The following BCL2 variants were observed in gnomAD, a reference collection of about 807,000 sequenced individuals.
The protein encoded by BCL2 is BCL2 apoptosis regulator.
BCL2 carries 1 observed loss-of-function variant against 14.2 expected under a neutral mutation model. The ratio of observed to expected loss-of-function variants is 0.07; its 90% CI spans 0.02 to 0.33. BCL2 has a LOEUF of 0.33. Among genes scored for constraint, BCL2 ranks in the 10% least tolerant of loss-of-function variants. BCL2 has a pLI of 0.99. For synonymous variants in BCL2, 151 were observed against 137.2 expected (o/e 1.10, Z -0.70); for missense variants, 247 against 305.9 (o/e 0.81, Z 1.44).
chr18:63,251,862 C>A (rs182732972), intron 2 of BCL2, among the ~76,000 whole-genome samples: 5 of 151,858 alleles, frequency 3.3e-5, no homozygotes, highest in East Asian at 3.9e-4. Context: ...CCACGCCCAG[C>A]TAATTTTTGT....
In BCL2 at chr18:63,127,218, A is replaced by T. The variant is rs1367840744; in HGVS notation, c.*1407T>A. 6 of 230,368 alleles carry T rather than the reference A, an allele frequency of 2.6e-5. No homozygotes were observed. In the East Asian group the frequency reaches 3.7e-4, roughly 14 times the overall value. 14.3% of individuals were successfully genotyped at this position (230,368 alleles called of 1,614,324 possible). A position where few individuals can be genotyped will look rare whatever the true frequency, so the allele number is the denominator to read the frequency against. ...TTCAATGCTTCTTTTAGGATTTGTG[A>T]CCCTCTCCAAAGTCATTTAAAGCCT... On this transcript the variant is annotated 3_prime_UTR_variant, in exon 3 of 3. Transcript: ENST00000333681.
At chr18:63,281,740 A>G (rs535823682) in intron 2 of BCL2, among the ~76,000 whole-genome samples, 41 of 144,788 alleles carry the variant, frequency 2.8e-4, no homozygotes, top group South Asian at 1.1e-3. Flanking sequence ...AAGAAAGAAA[A>G]AGAGAGAGGA....
chr18:63,225,994 G>A (rs1555701616), intron 2 of BCL2, among the ~76,000 whole-genome samples: 2 of 152,108 alleles, frequency 1.3e-5, no homozygotes, highest in Non-Finnish European at 2.9e-5. Flanking sequence ...AAATGAGGTC[G>A]CACAAACAAA....
intron 2 of BCL2, among the ~76,000 whole-genome samples, chr18:63,306,964 T>C (rs1199486798): frequency 6.6e-6 from 1 of 151,978 alleles, no homozygotes; most frequent in Non-Finnish European, 1.5e-5. Flanking sequence ...AGCACTGCCC[T>C]AGACTATCAG....
intron 2 of BCL2, among the ~76,000 whole-genome samples, chr18:63,262,389 A>G (rs559607240): frequency 6.6e-6 from 1 of 152,322 alleles, no homozygotes; most frequent in African/African-American, 2.4e-5. Context: ...GTAAAAGTAA[A>G]GAATCGGAGG....
At chr18:63,295,361 G>A (rs1912770396) in intron 2 of BCL2, among the ~76,000 whole-genome samples, 1 of 152,094 alleles carries the variant, frequency 6.6e-6, no homozygotes, top group South Asian at 2.1e-4. Context: ...CAAGTGAATG[G>A]TCCAGGCCAA....
rs79578935 is a variant in BCL2, at chr18:63,175,403, T to C, written c.586-46644A>G. Among the ~76,000 whole-genome samples the C allele has an allele frequency of 6.3e-3, 963 of 152,322 alleles. 5 individuals are homozygous for C. The highest frequency in any genetic ancestry group is 9.8e-3 in the Non-Finnish European group (669 of 68,030). ...TCACATATATTATTTCCAAAAGTCA[T>C]ATTCAAAACATCTAGCAACCAGCAT... On this transcript the variant is annotated intron_variant, in intron 2 of 2. Transcript: ENST00000333681.
chr18:63,315,869 A>AT (rs1201409724), intron 2 of BCL2: 15 of 152,052 alleles, frequency 9.9e-5, no homozygotes, highest in Admixed American at 1.3e-4. Context: ...ATATATATAT[A>AT]TTTTTTCTCT....
intron 2 of BCL2, among the ~76,000 whole-genome samples, chr18:63,289,736 A>G (rs1043875007): frequency 1.3e-5 from 2 of 152,122 alleles, no homozygotes; most frequent in South Asian, 2.1e-4. Flanking sequence ...TCTACTAAAA[A>G]TACAAAAATT....
At chr18:63,171,256 A>G (rs912260015) in intron 2 of BCL2, among the ~76,000 whole-genome samples, 2 of 152,210 alleles carry the variant, frequency 1.3e-5, no homozygotes, top group African/African-American at 4.8e-5. Context: ...AAAAACAAAA[A>G]CCAACACCTT....
At chr18:63,276,433 G>T (rs942201693) in intron 2 of BCL2, among the ~76,000 whole-genome samples, 1 of 152,182 alleles carries the variant, frequency 6.6e-6, no homozygotes, top group African/African-American at 2.4e-5. Context: ...GGTGGGGCCA[G>T]ACAGGCTGGA....
intron 2 of BCL2, among the ~76,000 whole-genome samples, chr18:63,248,521 A>G (rs556053412): frequency 1.3e-5 from 2 of 152,354 alleles, no homozygotes; most frequent in South Asian, 4.1e-4. Flanking sequence ...TCTTCTCCTG[A>G]ATGAAACTTC....
intron 2 of BCL2, among the ~76,000 whole-genome samples, chr18:63,270,169 A>G (rs1157633995): frequency 6.6e-6 from 1 of 152,154 alleles, no homozygotes; most frequent in Non-Finnish European, 1.5e-5. Flanking sequence ...GTTAACGTCT[A>G]TGGAGGGCAA....
chr18:63,142,021 G>A (rs995324140), intron 2 of BCL2, among the ~76,000 whole-genome samples: 2 of 152,208 alleles, frequency 1.3e-5, no homozygotes, highest in Non-Finnish European at 2.9e-5. Flanking sequence ...TGGCCTAATC[G>A]CTGTCATCAG....
In BCL2 at chr18:63,219,302, A is replaced by G. The variant is rs1910313663; in HGVS notation, c.586-90543T>C. On this transcript the variant is annotated intron_variant, in intron 2 of 2. Transcript: ENST00000333681. ...AGCTCAAGTGCTACCTCATTCCTCC[A>G]AGTCAAAAGTGATTGTCCTTTCTCC... is the stretch of plus-strand genomic sequence containing the variant. 2.0e-5 allele frequency among the ~76,000 whole-genome samples: 3 copies of G among 152,118 alleles called. No homozygotes were observed. In the South Asian group the frequency reaches 6.2e-4, roughly 32 times the overall value.
chr18:63,267,498 T>C (rs963815443), intron 2 of BCL2, among the ~76,000 whole-genome samples: 4 of 152,178 alleles, frequency 2.6e-5, no homozygotes, highest in African/African-American at 7.2e-5. Context: ...ACCAGAGTTT[T>C]GACCTCATCA....
At chr18:63,208,297 A>C (rs1389403323) in intron 2 of BCL2, 1 of 152,138 alleles carries the variant, frequency 6.6e-6, no homozygotes, top group African/African-American at 2.4e-5. Flanking sequence ...ATTGTTAACG[A>C]CCTACCCACA....
At chr18:63,168,401 C>T (rs1915096691) in intron 2 of BCL2, among the ~76,000 whole-genome samples, 1 of 152,142 alleles carries the variant, frequency 6.6e-6, no homozygotes, top group South Asian at 2.1e-4. Context: ...CCCCTTGGAC[C>T]ACCAGCAGCT....
rs1458166351 is a variant in BCL2, at chr18:63,169,379, CTTTCTTTCTT to C, written c.586-40630_586-40621del. On this transcript the variant is annotated intron_variant, in intron 2 of 2. Transcript: ENST00000333681. ...TTTCTTTCTTTCTTTCTCTTTCTTTCTTTCTTTCTTTTTCTTTCTTTCTTTTTCTTTCTCT... is the reference window on the plus strand; with the variant it reads ...TTTCTTTCTTTCTTTCTCTTTCTTTCTTTCTTTCTTTCTTTTTCTTTCTCT... Among the ~76,000 whole-genome samples the C allele has an allele frequency of 6.5e-3, 738 of 112,898 alleles. 86 individuals are homozygous for C. The highest frequency in any genetic ancestry group is 0.026 in the African/African-American group (595 of 22,640). The allele number at this position is 112,898 out of a possible 152,430, so 74.1% of individuals were successfully genotyped here. A position where few individuals can be genotyped will look rare whatever the true frequency, so the allele number is the denominator to read the frequency against.
Sources: allele counts gnomAD v4.1 joint callset (sites outside exome capture counted in the v4.1 genomes callset), GRCh38; gene constraint gnomAD v4.1.1; transcripts MANE v1.5; gene names NCBI Gene and HGNC (gene_info 2026-07-23, HGNC 2026-07-21).